Variants in PRMT3 observed in about 807,000 individuals in gnomAD.
PRMT3 encodes protein arginine N-methyltransferase 3.
In PRMT3, 62 loss-of-function variants were observed where a neutral mutation model predicts 71.9. That is an observed-to-expected ratio of 0.86 (90% CI 0.70 to 1.07). PRMT3 has a LOEUF of 1.07. Among genes scored for constraint, PRMT3 ranks in the 50% least tolerant of loss-of-function variants. The pLI is 0.00. For synonymous variants in PRMT3, 213 were observed against 220.4 expected, an observed-to-expected ratio of 0.97 and a Z score of 0.30; for missense variants, 663 against 643.0, an observed-to-expected ratio of 1.03 and a Z score of -0.34.
intron 8 of PRMT3, among the ~76,000 whole-genome samples, chr11:20,404,715 T>C (rs1314156172): frequency 1.3e-5 from 2 of 152,222 alleles, no homozygotes; most frequent in East Asian, 3.9e-4. Context: ...AGATGAAACA[T>C]GAGAATCACT....
At chr11:20,503,886 C>A (rs1209790580) in intron 15 of PRMT3, among the ~76,000 whole-genome samples, 1 of 152,152 alleles carries the variant, frequency 6.6e-6, no homozygotes, top group African/African-American at 2.4e-5. Context: ...GTATATTTAA[C>A]TTTATAAGAA....
At chr11:20,431,824 A>G (rs1849660524) in intron 10 of PRMT3, among the ~76,000 whole-genome samples, 1 of 152,098 alleles carries the variant, frequency 6.6e-6, no homozygotes, top group African/African-American at 2.4e-5. Flanking sequence ...TGCCTTGGAA[A>G]CAATTTTTAG....
At chr11:20,450,810 A>T (rs1384066152) in intron 10 of PRMT3, among the ~76,000 whole-genome samples, 1 of 152,176 alleles carries the variant, frequency 6.6e-6, no homozygotes, top group Non-Finnish European at 1.5e-5. Context: ...TTCTTGTTCT[A>T]GAGAAACCTT....
chr11:20,397,738 A>G lies in PRMT3; in HGVS notation c.705+17A>G. 1.2e-6 allele frequency: 2 copies of G among 1,612,676 alleles called. No homozygotes were observed. Among genetic ancestry groups the G allele is most frequent in the South Asian group, 2.2e-5 (2 of 90,902 alleles). ...ATGCTAAAGGTTAGAAAAGAACACA[A>G]ATGCGTCAAATCCATACTAAAGGAA... On this transcript the variant is annotated intron_variant, in intron 7 of 15. Coordinates refer to ENST00000331079, the MANE Select transcript of PRMT3 (RefSeq NM_005788.4).
Position 20,397,617 on chromosome 11 carries a change from A to T in PRMT3, c.601A>T (p.Thr201Ser). 6.2e-7 allele frequency: 1 copy of T among 1,614,120 alleles called. No individual in the cohort carries two copies. The highest frequency in any genetic ancestry group is 8.5e-7 in the Non-Finnish European group (1 of 1,180,012). The stretch of plus-strand genomic sequence containing the variant: ...TTTTGTGATGCACACAGATGTCAGA[A>T]CCTGCTCGTCATCTACTAGTGTCAT... The part of the protein sequence containing the change: ...QDFVMHTDVR[T>S]CSSSTSVIAD... The change falls in exon 7 of 16, where the codon ACC (threonine) becomes TCC (serine). Residue 201 changes from threonine to serine, a missense_variant. Coordinates refer to ENST00000331079, the MANE Select transcript of PRMT3 (RefSeq NM_005788.4).
chr11:20,430,874 G>A (rs1281516771), intron 10 of PRMT3, among the ~76,000 whole-genome samples: 1 of 152,006 alleles, frequency 6.6e-6, no homozygotes, highest in Non-Finnish European at 1.5e-5. Context: ...TTTAATCCCT[G>A]GAAGATGTTA....
At chr11:20,447,316 T>C (rs1850052689) in intron 10 of PRMT3, among the ~76,000 whole-genome samples, 1 of 151,992 alleles carries the variant, frequency 6.6e-6, no homozygotes. Context: ...TGGAAACATT[T>C]TAGATTGTTA....
chr11:20,481,870 C>G (rs979377204), intron 13 of PRMT3, among the ~76,000 whole-genome samples: 1 of 152,002 alleles, frequency 6.6e-6, no homozygotes, highest in African/African-American at 2.4e-5. Flanking sequence ...TTTTAAAAGT[C>G]TGTATTTTTT....
intron 10 of PRMT3, among the ~76,000 whole-genome samples, chr11:20,435,672 G>C (rs556647210): frequency 6.6e-6 from 1 of 152,140 alleles, no homozygotes; most frequent in South Asian, 2.1e-4. Context: ...TTTATTTCTG[G>C]GTTCTCTATT....
intron 10 of PRMT3, among the ~76,000 whole-genome samples, chr11:20,439,712 C>G (rs78355204): frequency 0.011 from 1,680 of 152,274 alleles, 40 homozygotes; most frequent in African/African-American, 0.039. Flanking sequence ...TGTCAATTCT[C>G]TTCATATTAA....
At chr11:20,393,308 A>G (rs767120517) in intron 5 of PRMT3, among the ~76,000 whole-genome samples, 8 of 152,100 alleles carry the variant, frequency 5.3e-5, no homozygotes, top group Non-Finnish European at 1.0e-4. Flanking sequence ...TTAGCCGGGC[A>G]TGGTGGCGGG....
intron 4 of PRMT3, 150 bp downstream of exon 4, chr11:20,392,410 C>T (rs1676013399): frequency 1.3e-6 from 1 of 779,594 alleles, no homozygotes. Context: ...TAGGAGGTAG[C>T]ACAGCAGAAA....
intron 15 of PRMT3, among the ~76,000 whole-genome samples, chr11:20,496,745 T>C (rs1173034280): frequency 1.3e-5 from 2 of 152,154 alleles, no homozygotes; most frequent in Non-Finnish European, 2.9e-5. Context: ...TACCAGGTGG[T>C]TATCAATCTC....
At chr11:20,470,306 G>A (rs988155733) in intron 13 of PRMT3, among the ~76,000 whole-genome samples, 1 of 152,116 alleles carries the variant, frequency 6.6e-6, no homozygotes, top group African/African-American at 2.4e-5. Flanking sequence ...ATAGGTAAAC[G>A]TGTGCCATAG....
At position 20,451,456 on chromosome 11, in the gene PRMT3, A is replaced by C. The variant is rs145969174; in HGVS notation, c.994-674A>C. Among the ~76,000 whole-genome samples, 123 of 152,058 alleles carry C rather than the reference A, an allele frequency of 8.1e-4. 1 individual carries two copies. In the East Asian group the frequency reaches 0.023, roughly 28 times the overall value. ...GAGGATATGGCAGCTGGCGTTTCTTAAACCTTTTTGACTAAGGATCCCTCC... is the reference window on the plus strand; with the variant it reads ...GAGGATATGGCAGCTGGCGTTTCTTCAACCTTTTTGACTAAGGATCCCTCC... On this transcript the variant is annotated intron_variant, in intron 10 of 15. Coordinates refer to ENST00000331079, the MANE Select transcript of PRMT3 (RefSeq NM_005788.4).
chr11:20,504,707 T>TGAGAGAGAGAGAGAGAGAGAGAGA (rs57201745), intron 15 of PRMT3, among the ~76,000 whole-genome samples: 2 of 133,646 alleles, frequency 1.5e-5, no homozygotes, highest in African/African-American at 6.0e-5. Flanking sequence ...TGTGTGTGTG[T>TGAGAGAGAGAGAGAGAGAGAGAGA]GAGAGAGAGA....
chr11:20,482,282 A>T (rs568587123), intron 13 of PRMT3, among the ~76,000 whole-genome samples: 1 of 146,096 alleles, frequency 6.8e-6, no homozygotes, highest in African/African-American at 2.8e-5. Flanking sequence ...GAGTGATATT[A>T]TAAAAGGATT....
intron 9 of PRMT3, among the ~76,000 whole-genome samples, chr11:20,422,227 TGA>T (rs995393607): frequency 6.6e-6 from 1 of 152,182 alleles, no homozygotes; most frequent in African/African-American, 2.4e-5. Flanking sequence ...TAGTAAATGT[TGA>T]GAGTTTATGC....
intron 13 of PRMT3, among the ~76,000 whole-genome samples, chr11:20,477,374 A>G (rs916839171): frequency 3.9e-5 from 6 of 151,960 alleles, no homozygotes; most frequent in African/African-American, 1.2e-4. Context: ...TCAGGGGTTC[A>G]ACACCAGCCC....
Sources: gnomAD v4.1 joint callset for allele counts (sites outside exome capture counted in the v4.1 genomes callset) on GRCh38, gnomAD v4.1.1 for gene constraint, MANE v1.5 for transcripts, NCBI Gene and HGNC (gene_info 2026-07-23, HGNC 2026-07-21) for gene names.